Variants in LRMDA observed in about 807,000 individuals in gnomAD.
The protein encoded by LRMDA is leucine rich melanocyte differentiation associated.
Under a neutral mutation model 29.8 loss-of-function variants are expected in LRMDA, and 18 were observed. That is an observed-to-expected ratio of 0.60 (90% CI 0.42 to 0.90). The LOEUF is 0.90. LRMDA is among the 40% of genes least tolerant of loss of function. LRMDA has a pLI of 0.00. For missense variants in LRMDA, 273 were observed against 273.9 expected (o/e 1.00, Z 0.02); for synonymous variants, 125 against 109.4 (o/e 1.14, Z -0.89).
At chr10:76,389,079 G>T (rs1018032513) in intron 6 of LRMDA, among the ~76,000 whole-genome samples, 1 of 152,158 alleles carries the variant, frequency 6.6e-6, no homozygotes, top group African/African-American at 2.4e-5. Context: ...CCTAAACTGA[G>T]TTATGAAGGA....
chr10:75,475,468 G>A (rs1402589191), intron 2 of LRMDA, among the ~76,000 whole-genome samples: 4 of 152,084 alleles, frequency 2.6e-5, no homozygotes, highest in Non-Finnish European at 5.9e-5. Context: ...CAAGAACCTG[G>A]GACTGCTTCC....
intron 2 of LRMDA, among the ~76,000 whole-genome samples, chr10:75,639,610 C>T (rs1006692887): frequency 7.2e-5 from 11 of 152,166 alleles, no homozygotes; most frequent in African/African-American, 2.7e-4. Context: ...TGCGGCTTGG[C>T]GTGCAGTGCT....
chr10:76,363,055 T>C (rs1841330663), intron 6 of LRMDA, among the ~76,000 whole-genome samples: 1 of 149,190 alleles, frequency 6.7e-6, no homozygotes, highest in South Asian at 2.1e-4. Flanking sequence ...TTAAAAAGTG[T>C]ACAAATGTGC....
chr10:76,276,411 C>T (rs2132328038), intron 5 of LRMDA, among the ~76,000 whole-genome samples: 1 of 152,118 alleles, frequency 6.6e-6, no homozygotes, highest in South Asian at 2.1e-4. Flanking sequence ...CTCAAAGTGT[C>T]AGGATTACAA....
At chr10:76,254,621 A>G (rs1196438974) in intron 5 of LRMDA, among the ~76,000 whole-genome samples, 1 of 151,948 alleles carries the variant, frequency 6.6e-6, no homozygotes, top group Non-Finnish European at 1.5e-5. Flanking sequence ...TATATAATGT[A>G]TATTATGTTG....
At chr10:76,485,408 C>G (rs891399797) in intron 6 of LRMDA, among the ~76,000 whole-genome samples, 6 of 151,822 alleles carry the variant, frequency 4.0e-5, no homozygotes, top group African/African-American at 1.4e-4. Context: ...GTGTGGGTAC[C>G]ACATAACAGA....
intron 5 of LRMDA, among the ~76,000 whole-genome samples, chr10:76,137,599 G>A (rs1850119268): frequency 6.6e-6 from 1 of 152,086 alleles, no homozygotes; most frequent in African/African-American, 2.4e-5. Flanking sequence ...TGGGAGTCAG[G>A]AGAAGTGATG....
chr10:75,939,849 G>T lies in LRMDA; in HGVS notation c.132-96159G>T, dbSNP rs182000511. ...CACACTGCCCAGCCAAATGGCTTTG[G>T]CTGGGAGAAGAGCCTTCCCTGGGGG... is the stretch of plus-strand genomic sequence containing the variant. On this transcript the variant is annotated intron_variant, in intron 2 of 6. Coordinates refer to ENST00000611255, the MANE Select transcript of LRMDA (RefSeq NM_001305581.2). 2.3e-4 allele frequency among the ~76,000 whole-genome samples: 35 copies of T among 152,268 alleles called. No individual in the cohort carries two copies. In the Middle Eastern group the frequency reaches 0.01, roughly 44 times the overall value.
chr10:76,421,490 C>T (rs1418447202), intron 6 of LRMDA, among the ~76,000 whole-genome samples: 1 of 152,134 alleles, frequency 6.6e-6, no homozygotes, highest in African/African-American at 2.4e-5. Context: ...GATATATAGA[C>T]TATTTAACAA....
intron 5 of LRMDA, among the ~76,000 whole-genome samples, chr10:76,118,239 C>T (rs1849700266): frequency 6.6e-6 from 1 of 152,104 alleles, no homozygotes; most frequent in Non-Finnish European, 1.5e-5. Context: ...CTTTGGCTGC[C>T]TTCCTCTGTA....
At chr10:76,272,550 T>A (rs1840081049) in intron 5 of LRMDA, among the ~76,000 whole-genome samples, 1 of 152,178 alleles carries the variant, frequency 6.6e-6, no homozygotes, top group South Asian at 2.1e-4. Context: ...CATGAGGGCT[T>A]TGAGATTCTA....
intron 2 of LRMDA, among the ~76,000 whole-genome samples, chr10:75,692,205 G>T (rs1842167569): frequency 1.6e-5 from 1 of 64,114 alleles, no homozygotes; most frequent in African/African-American, 9.0e-5. Flanking sequence ...TTGTCTCTGG[G>T]GGGAAAAAAA....
At chr10:76,137,854 C>A (rs1850126328) in intron 5 of LRMDA, among the ~76,000 whole-genome samples, 2 of 151,622 alleles carry the variant, frequency 1.3e-5, no homozygotes, top group African/African-American at 4.8e-5. Context: ...GCTGAATGTC[C>A]CTTTAAGAGA....
At chr10:75,801,624 A>C (rs1843744542) in intron 2 of LRMDA, among the ~76,000 whole-genome samples, 1 of 152,220 alleles carries the variant, frequency 6.6e-6, no homozygotes, top group South Asian at 2.1e-4. Context: ...AGAGCAAATG[A>C]GAAGCCCTGA....
At chr10:76,322,965 A>G (rs1840789826) in intron 5 of LRMDA, among the ~76,000 whole-genome samples, 1 of 152,294 alleles carries the variant, frequency 6.6e-6, no homozygotes, top group Middle Eastern at 3.4e-3. Flanking sequence ...TGGTGACTGT[A>G]GTATTTGATT....
At chr10:75,982,018 T>C (rs545582089) in intron 2 of LRMDA, among the ~76,000 whole-genome samples, 23 of 152,122 alleles carry the variant, frequency 1.5e-4, no homozygotes, top group Non-Finnish European at 2.4e-4. Flanking sequence ...GCCTCCAGTG[T>C]TTCTCTTCTT....
chr10:75,865,624 C>G (rs900129973), intron 2 of LRMDA, among the ~76,000 whole-genome samples: 3 of 152,110 alleles, frequency 2.0e-5, no homozygotes, highest in African/African-American at 7.2e-5. Context: ...ATTTGTTTGT[C>G]AGCTCTGTTG....
chr10:76,047,424 A>G (rs1368679585), intron 4 of LRMDA, 121 bp downstream of exon 4: 9 of 1,036,612 alleles, frequency 8.7e-6, no homozygotes, highest in Non-Finnish European at 1.2e-5. Flanking sequence ...TCCCATGACA[A>G]TGTTAAACTT....
chr10:75,735,010 A>G (rs931853662), intron 2 of LRMDA, among the ~76,000 whole-genome samples: 6 of 152,072 alleles, frequency 3.9e-5, no homozygotes, highest in African/African-American at 7.2e-5. Context: ...TAATTTACTT[A>G]TTCATGATGA....
Sources: gnomAD v4.1 joint callset for allele counts (sites outside exome capture counted in the v4.1 genomes callset) on GRCh38, gnomAD v4.1.1 for gene constraint, MANE v1.5 for transcripts, NCBI Gene and HGNC (gene_info 2026-07-23, HGNC 2026-07-21) for gene names.